Variants in HIPK2 observed in about 807,000 individuals in gnomAD.
HIPK2 encodes homeodomain interacting protein kinase 2.
Under a neutral mutation model 113.7 loss-of-function variants are expected in HIPK2, and 27 were observed. The observed-to-expected ratio is 0.24, with a 90% CI of 0.17 to 0.33. The LOEUF is 0.33. HIPK2 is among the 10% of genes least tolerant of loss of function. The pLI, the probability that HIPK2 is intolerant of heterozygous loss-of-function variation, is 1.00. For synonymous variants in HIPK2, 631 were observed against 642.2 expected (o/e 0.98, Z 0.26); for missense variants, 1,257 against 1,588.0 (o/e 0.79, Z 3.54).
At chr7:139,622,603 G>A (rs906254461) in intron 6 of HIPK2, among the ~76,000 whole-genome samples, 1 of 152,166 alleles carries the variant, frequency 6.6e-6, no homozygotes, top group Non-Finnish European at 1.5e-5. Flanking sequence ...ATCCTGGTAT[G>A]GAGAAAGGAG....
At chr7:139,705,766 GCT>G (rs1585400140) in intron 2 of HIPK2, among the ~76,000 whole-genome samples, 1 of 151,134 alleles carries the variant, frequency 6.6e-6, no homozygotes, top group Admixed American at 6.6e-5. Flanking sequence ...TTCAAATCCA[GCT>G]CTGTCTGCCA....
intron 2 of HIPK2, among the ~76,000 whole-genome samples, chr7:139,656,439 T>C (rs1446787385): frequency 6.6e-6 from 1 of 152,208 alleles, no homozygotes; most frequent in Admixed American, 6.5e-5. Flanking sequence ...CTTTTTGGGA[T>C]TTACCTCACA....
intron 1 of HIPK2, among the ~76,000 whole-genome samples, chr7:139,744,761 G>C (rs1796162797): frequency 6.6e-6 from 1 of 152,188 alleles, no homozygotes; most frequent in African/African-American, 2.4e-5. Flanking sequence ...ACGGCAAGTG[G>C]ATTTTAACTA....
chr7:139,728,766 T>TAA (rs948395107), intron 1 of HIPK2, among the ~76,000 whole-genome samples: 4 of 152,228 alleles, frequency 2.6e-5, no homozygotes, highest in African/African-American at 4.8e-5. Flanking sequence ...TCAGGTTAAA[T>TAA]AATTACCATA....
At position 139,752,410 on chromosome 7, in the gene HIPK2, C is replaced by T. The variant is rs532630086; in HGVS notation, c.19+25195G>A. ...TCTAATAAGATGCCCTCTGTCCGGC[C>T]GTGCAGAGTCTGTCTCGTGGTTTAT... On this transcript the variant is annotated intron_variant, in intron 1 of 14. Coordinates refer to ENST00000406875, the MANE Select transcript of HIPK2 (RefSeq NM_022740.5). Among the ~76,000 whole-genome samples, 124 of 152,276 alleles carry T rather than the reference C, an allele frequency of 8.1e-4. 1 individual carries two copies. Among genetic ancestry groups the T allele is most frequent in the African/African-American group, 2.7e-3 (114 of 41,550 alleles).
At chr7:139,636,158 T>C (rs1244492667) in intron 2 of HIPK2, among the ~76,000 whole-genome samples, 5 of 152,170 alleles carry the variant, frequency 3.3e-5, no homozygotes, top group Admixed American at 6.5e-5. Flanking sequence ...GCCACATTTT[T>C]TTCACGCGGG....
chr7:139,631,384 T>C lies in HIPK2; in HGVS notation c.1228-100A>G. On this transcript the variant is annotated intron_variant, in intron 3 of 14. Coordinates refer to ENST00000406875, the MANE Select transcript of HIPK2 (RefSeq NM_022740.5). The surrounding 1 kb of genome is among the most constrained non-coding windows in gnomAD (Gnocchi z 4.9). ...CTTTGAGAAAAATGAAAATGACAAT[T>C]TTTGTAGGGAAAGAAGTTAACAAAA... 9 of 1,476,308 alleles carry C rather than the reference T, an allele frequency of 6.1e-6. No homozygotes were observed. Among genetic ancestry groups the C allele is most frequent in the Non-Finnish European group, 8.1e-6 (9 of 1,107,618 alleles). 91.5% of individuals were successfully genotyped at this position (1,476,308 alleles called of 1,614,324 possible).
chr7:139,731,374 G>A (rs1795776199), intron 1 of HIPK2, among the ~76,000 whole-genome samples: 1 of 152,198 alleles, frequency 6.6e-6, no homozygotes, highest in African/African-American at 2.4e-5. Flanking sequence ...TGTTCATTGT[G>A]ATTGAGGTTT....
chr7:139,616,398 G>A (rs1585282102), intron 7 of HIPK2, among the ~76,000 whole-genome samples: 2 of 152,148 alleles, frequency 1.3e-5, no homozygotes, highest in Non-Finnish European at 2.9e-5. Flanking sequence ...TGATGAACAT[G>A]GTATGCGCCT....
At chr7:139,755,565 T>C (rs1432465087) in intron 1 of HIPK2, among the ~76,000 whole-genome samples, 1 of 152,252 alleles carries the variant, frequency 6.6e-6, no homozygotes, top group Non-Finnish European at 1.5e-5. Flanking sequence ...CCTAACTCTT[T>C]TTCCCTGCTT....
chr7:139,718,175 A>C (rs967983297), intron 1 of HIPK2, among the ~76,000 whole-genome samples: 1 of 152,232 alleles, frequency 6.6e-6, no homozygotes, highest in African/African-American at 2.4e-5. Context: ...AAAATATATT[A>C]AGCAAAAATA....
At chr7:139,583,137 C>T (rs925709742) in intron 13 of HIPK2, among the ~76,000 whole-genome samples, 2 of 152,366 alleles carry the variant, frequency 1.3e-5, no homozygotes, top group South Asian at 4.1e-4. Context: ...GGTTTAGTCC[C>T]CACATTCTTC....
intron 1 of HIPK2, among the ~76,000 whole-genome samples, chr7:139,764,051 G>A (rs996209299): frequency 4.6e-5 from 7 of 152,204 alleles, no homozygotes; most frequent in South Asian, 2.1e-4. Context: ...TATGAGAAAC[G>A]CATGTGTTAG....
chr7:139,588,247 G>A (rs1468911727), intron 12 of HIPK2, among the ~76,000 whole-genome samples: 2 of 152,056 alleles, frequency 1.3e-5, no homozygotes, highest in African/African-American at 4.8e-5. Flanking sequence ...GAACCCGGGA[G>A]GTGGAGGTTA....
intron 1 of HIPK2, among the ~76,000 whole-genome samples, chr7:139,730,431 G>A (rs1334976716): frequency 6.6e-6 from 1 of 151,680 alleles, no homozygotes; most frequent in Non-Finnish European, 1.5e-5. Context: ...TGAGATCTCG[G>A]CTCACTGCAA....
intron 2 of HIPK2, among the ~76,000 whole-genome samples, chr7:139,696,986 G>A (rs1357977459): frequency 2.0e-5 from 3 of 152,218 alleles, no homozygotes; most frequent in Non-Finnish European, 2.9e-5. Flanking sequence ...AAGGACACAC[G>A]AGGGTAGTCA....
chr7:139,770,524 C>G (rs1035390519), intron 1 of HIPK2, among the ~76,000 whole-genome samples: 1 of 152,198 alleles, frequency 6.6e-6, no homozygotes, highest in South Asian at 2.1e-4. Flanking sequence ...GGTAAAAATA[C>G]ACAAACAAAC....
At chr7:139,721,256 G>GT (rs1179768185) in intron 1 of HIPK2, among the ~76,000 whole-genome samples, 1 of 152,254 alleles carries the variant, frequency 6.6e-6, no homozygotes. Context: ...GTCTTTAACA[G>GT]TAATACTTTT....
At chr7:139,775,573 G>C (rs1796725228) in intron 1 of HIPK2, among the ~76,000 whole-genome samples, 1 of 152,200 alleles carries the variant, frequency 6.6e-6, no homozygotes, top group Non-Finnish European at 1.5e-5. Context: ...ACAAGATGGA[G>C]GGAAACTGAG....
Sources: allele counts gnomAD v4.1 joint callset (sites outside exome capture counted in the v4.1 genomes callset), GRCh38; gene constraint gnomAD v4.1.1; non-coding constraint Gnocchi (gnomAD v3.1); transcripts MANE v1.5; gene names NCBI Gene and HGNC (gene_info 2026-07-23, HGNC 2026-07-21).